The following RAP1A variants were observed in gnomAD, a reference collection of about 807,000 sequenced individuals.
The protein encoded by RAP1A is ras-related protein Rap-1A.
In RAP1A, 6 loss-of-function variants were observed where a neutral mutation model predicts 26.4. The observed-to-expected ratio is 0.23, with a 90% CI of 0.12 to 0.45. RAP1A has a LOEUF of 0.45. Among genes scored for constraint, RAP1A ranks in the 20% least tolerant of loss-of-function variants. The pLI is 0.99. For synonymous variants in RAP1A, 73 were observed against 79.4 expected, an observed-to-expected ratio of 0.92 and a Z score of 0.43; for missense variants, 121 against 217.2, an observed-to-expected ratio of 0.56 and a Z score of 2.78.
chr1:111,675,690 G>A (rs1661105745), intron 1 of RAP1A, among the ~76,000 whole-genome samples: 1 of 152,146 alleles, frequency 6.6e-6, no homozygotes, highest in Non-Finnish European at 1.5e-5. Context: ...CTTTGCAAAT[G>A]CCTGATTCAG....
intron 1 of RAP1A, among the ~76,000 whole-genome samples, chr1:111,560,302 T>C (rs78670830): frequency 0.08 from 12,091 of 151,258 alleles, 1,154 homozygotes; most frequent in African/African-American, 0.23. Context: ...AAATCTAGAA[T>C]GGAGAGTGAG....
At chr1:111,700,702 C>G (rs1253328712) in intron 4 of RAP1A, among the ~76,000 whole-genome samples, 1 of 152,166 alleles carries the variant, frequency 6.6e-6, no homozygotes, top group Non-Finnish European at 1.5e-5. Context: ...ATAACATGTC[C>G]AAACTGAACT....
At chr1:111,592,832 G>T (rs1039202966) in intron 1 of RAP1A, among the ~76,000 whole-genome samples, 1 of 152,042 alleles carries the variant, frequency 6.6e-6, no homozygotes, top group East Asian at 1.9e-4. Context: ...CCATCTGCAC[G>T]CCCCCATTTC....
intron 1 of RAP1A, among the ~76,000 whole-genome samples, chr1:111,668,120 G>C (rs1660855383): frequency 6.6e-6 from 1 of 152,188 alleles, no homozygotes; most frequent in African/African-American, 2.4e-5. Flanking sequence ...TTGCAACCTA[G>C]CCTTTATGTT....
At chr1:111,700,631 G>A (rs1661990943) in intron 4 of RAP1A, among the ~76,000 whole-genome samples, 1 of 152,112 alleles carries the variant, frequency 6.6e-6, no homozygotes, top group Non-Finnish European at 1.5e-5. Flanking sequence ...TGAACTTCGA[G>A]CTCTTATATC....
chr1:111,610,533 AACACACACACACAC>A (rs71099922), intron 1 of RAP1A, among the ~76,000 whole-genome samples: 17,912 of 141,852 alleles, frequency 0.13, 1,359 homozygotes, highest in South Asian at 0.17. Context: ...CCCTCCACCC[AACACACACACACAC>A]ACACACACAC....
chr1:111,653,971 G>A (rs967429989), intron 1 of RAP1A, among the ~76,000 whole-genome samples: 1 of 152,186 alleles, frequency 6.6e-6, no homozygotes, highest in Non-Finnish European at 1.5e-5. Flanking sequence ...GTGGCAAGAT[G>A]TAAGTGGAAG....
intron 1 of RAP1A, among the ~76,000 whole-genome samples, chr1:111,687,208 A>AT (rs35277322): frequency 0.04 from 5,186 of 131,238 alleles, 227 homozygotes; most frequent in African/African-American, 0.098. Context: ...ATTGAGTTGA[A>AT]TTTTTTTTTT....
At chr1:111,688,822 GTTTTTTT>G (rs767753356) in intron 1 of RAP1A, among the ~76,000 whole-genome samples, 1 of 90,062 alleles carries the variant, frequency 1.1e-5, no homozygotes, top group Non-Finnish European at 2.3e-5. Context: ...TTTTTTTTTT[GTTTTTTT>G]TTTTGTTTTT....
At chr1:111,616,385 A>T (rs1659014866), upstream of RAP1A, among the ~76,000 whole-genome samples, 1 of 152,222 alleles carries the variant, frequency 6.6e-6, no homozygotes. Flanking sequence ...TGATGAGGAC[A>T]GAAGCCCAAG....
intron 3 of RAP1A, among the ~76,000 whole-genome samples, chr1:111,697,217 A>G (rs1383538388): frequency 1.3e-5 from 2 of 152,182 alleles, no homozygotes; most frequent in Non-Finnish European, 2.9e-5. Flanking sequence ...GTCAGAAAAT[A>G]TCTAAACTCA....
chr1:111,649,065 A>C (rs921898796), intron 1 of RAP1A: 2 of 615,164 alleles, frequency 3.3e-6, no homozygotes, highest in African/African-American at 3.7e-5. Context: ...GCACATGGCC[A>C]GCTCTGTCTC....
chr1:111,649,311 A>G (rs1660183495), intron 1 of RAP1A: 1 of 434,472 alleles, frequency 2.3e-6, no homozygotes, highest in African/African-American at 2.0e-5. Flanking sequence ...GAGGCCAGGC[A>G]TTGAGGCGTT....
chr1:111,626,551 C>T (rs1048777909), intron 1 of RAP1A, among the ~76,000 whole-genome samples: 1 of 152,092 alleles, frequency 6.6e-6, no homozygotes, highest in Non-Finnish European at 1.5e-5. Context: ...CCACTAAAGT[C>T]AAGTATCTGC....
In RAP1A at chr1:111,662,580, A is replaced by G. The variant is rs535145790; in HGVS notation, c.-27-28754A>G. 3.9e-5 allele frequency among the ~76,000 whole-genome samples: 6 copies of G among 152,274 alleles called. 1 individual carries two copies. The highest frequency in any genetic ancestry group is 1.4e-4 in the African/African-American group (6 of 41,566). ...ATAGGAAACTCATAACACTCTGGCC[A>G]TACTAAGAGAGATTTGATGCTCTTA... is the stretch of plus-strand genomic sequence containing the variant. On this transcript the variant is annotated intron_variant, in intron 1 of 7. Coordinates refer to ENST00000369709, the MANE Select transcript of RAP1A (RefSeq NM_002884.4).
rs578145994 is a variant in RAP1A, at chr1:111,684,096, T to G, written c.-27-7238T>G. ...TCTCAATAGATGTGGAAAAGGCCTT[T>G]GATAAAATCCAACACCCCTTCATGC... is the stretch of plus-strand genomic sequence containing the variant. On this transcript the variant is annotated intron_variant, in intron 1 of 7. Transcript: ENST00000369709. Among the ~76,000 whole-genome samples the G allele has an allele frequency of 7.0e-4, 107 of 152,206 alleles. 1 individual carries two copies. Among genetic ancestry groups the G allele is most frequent in the Admixed American group, 4.1e-3 (62 of 15,274 alleles).
intron 6 of RAP1A, among the ~76,000 whole-genome samples, chr1:111,707,985 G>A (rs914279429): frequency 5.3e-5 from 8 of 152,140 alleles, no homozygotes; most frequent in African/African-American, 1.9e-4. Context: ...GACCAGCCTG[G>A]ACAACATTGC....
At chr1:111,704,302 G>T (rs766079582) in intron 5 of RAP1A, 41 bp from the exon 6 acceptor site, 5 of 1,594,872 alleles carry the variant, frequency 3.1e-6, no homozygotes, top group Admixed American at 1.7e-5. Context: ...GCTAAGTAAT[G>T]AGTATGTTAT....
intron 1 of RAP1A, among the ~76,000 whole-genome samples, chr1:111,557,936 T>G (rs1657569492): frequency 6.6e-6 from 1 of 151,906 alleles, no homozygotes; most frequent in Admixed American, 6.6e-5. Flanking sequence ...ATTAAGAAAA[T>G]TATGCATGTT....
Sources: allele counts gnomAD v4.1 joint callset (sites outside exome capture counted in the v4.1 genomes callset), GRCh38; gene constraint gnomAD v4.1.1; transcripts MANE v1.5; gene names NCBI Gene and HGNC (gene_info 2026-07-23, HGNC 2026-07-21).